The following BLTP2 variants were observed in gnomAD, a reference collection of about 807,000 sequenced individuals.
BLTP2 encodes U937-associated antigen.
chr17:28,623,395 T>G, the BLTP2 span, among the ~76,000 whole-genome samples: 1 of 152,204 alleles, frequency 6.6e-6, no homozygotes, highest in Non-Finnish European at 1.5e-5. Context: ...GTCATTTTCA[T>G]GAGAGGACAG....
the BLTP2 span, chr17:28,639,599 G>C: frequency 6.2e-6 from 10 of 1,614,192 alleles, no homozygotes; most frequent in African/African-American, 1.3e-4. Flanking sequence ...TGAGGGAGTT[G>C]AGGCAGACAA....
chr17:28,620,139 C>CT, the BLTP2 span: 1 of 847,512 alleles, frequency 1.2e-6, no homozygotes, highest in South Asian at 1.8e-5. Flanking sequence ...TTATCTGTCA[C>CT]TGGTAATAGC....
At chr17:28,624,439 G>C in the BLTP2 span, 2 of 1,545,958 alleles carry the variant, frequency 1.3e-6, no homozygotes, top group Non-Finnish European at 1.8e-6. Context: ...CAAAGGGAAA[G>C]ACTTTTCCCT....
At chr17:28,615,970 G>A in the BLTP2 span, 1 of 1,014,894 alleles carries the variant, frequency 9.9e-7, no homozygotes, top group Non-Finnish European at 1.5e-6. Flanking sequence ...GGGAGCAGAG[G>A]GAACAGCAGA....
the BLTP2 span, among the ~76,000 whole-genome samples, chr17:28,627,252 C>T: frequency 7.9e-5 from 12 of 152,176 alleles, no homozygotes; most frequent in African/African-American, 2.7e-4. Context: ...TCAAACTCCA[C>T]TCCTACTCAG....
the BLTP2 span, chr17:28,643,511 C>G: frequency 1.6e-5 from 22 of 1,411,694 alleles, no homozygotes; most frequent in East Asian, 5.0e-4. Flanking sequence ...AACCTCCCTT[C>G]CTCCTTGGAT....
chr17:28,642,524 G>C, the BLTP2 span: 1 of 591,110 alleles, frequency 1.7e-6, no homozygotes, highest in South Asian at 2.0e-5. Flanking sequence ...GGTGGCGGCC[G>C]CCTGTAGTCC....
chr17:28,642,990 G>A, the BLTP2 span: 2 of 1,567,856 alleles, frequency 1.3e-6, no homozygotes, highest in East Asian at 2.2e-5. Context: ...GAGAATAGCT[G>A]GAAGGAAGAA....
chr17:28,644,189 T>C, the BLTP2 span: 10 of 1,612,430 alleles, frequency 6.2e-6, no homozygotes, highest in Non-Finnish European at 2.5e-6. Context: ...ACAAGCCACC[T>C]GCAGAAAAAT....
the BLTP2 span, chr17:28,618,767 T>C: frequency 1.3e-6 from 2 of 1,593,918 alleles, no homozygotes; most frequent in Non-Finnish European, 1.7e-6. Context: ...CAGCTGCCTT[T>C]GTGTGACCAT....
At chr17:28,632,457 A>G in the BLTP2 span, among the ~76,000 whole-genome samples, 1 of 152,112 alleles carries the variant, frequency 6.6e-6, no homozygotes, top group Non-Finnish European at 1.5e-5. Flanking sequence ...CCCAAAATTC[A>G]TGCTGAAATA....
the BLTP2 span, chr17:28,632,956 G>C: frequency 1.3e-6 from 2 of 1,537,356 alleles, no homozygotes; most frequent in Non-Finnish European, 1.7e-6. Flanking sequence ...ACTGTGCCGA[G>C]TCAGATCCAT....
the BLTP2 span, chr17:28,643,745 T>G: frequency 2.3e-6 from 3 of 1,324,118 alleles, no homozygotes; most frequent in African/African-American, 4.4e-5. Context: ...TTCTGGATTA[T>G]TAGAATTTCT....
the BLTP2 span, chr17:28,635,219 C>G: frequency 6.2e-7 from 1 of 1,614,052 alleles, no homozygotes; most frequent in Admixed American, 1.7e-5. Context: ...AGCAGCTGCA[C>G]CTCCACCTCC....
chr17:28,632,102 G>A, the BLTP2 span: 1 of 1,614,186 alleles, frequency 6.2e-7, no homozygotes, highest in Non-Finnish European at 8.5e-7. Context: ...TGCTGACCAA[G>A]TTTCTTCTTG....
At chr17:28,643,329 C>G in the BLTP2 span, 1 of 1,613,436 alleles carries the variant, frequency 6.2e-7, no homozygotes. Context: ...GAAGAGAAAT[C>G]TCACTGCCAC....
chr17:28,637,851 G>T, the BLTP2 span: 3 of 1,613,924 alleles, frequency 1.9e-6, no homozygotes, highest in Non-Finnish European at 8.5e-7. Flanking sequence ...AAGGCAGAAA[G>T]GGTAAACAAG....
the BLTP2 span, chr17:28,644,127 C>T: frequency 6.2e-7 from 1 of 1,614,224 alleles, no homozygotes; most frequent in Non-Finnish European, 8.5e-7. Context: ...AGGAGCCAAT[C>T]TTTAGCTCCG....
At chr17:28,640,349 C>T in the BLTP2 span, 38 of 541,936 alleles carry the variant, frequency 7.0e-5, no homozygotes, top group African/African-American at 5.7e-4. Flanking sequence ...GCCAAGATCG[C>T]ACCACTGAAC....
Sources: gnomAD v4.1 joint callset for allele counts (sites outside exome capture counted in the v4.1 genomes callset) on GRCh38, gnomAD v4.1.1 for gene constraint, MANE v1.5 for transcripts, NCBI Gene and HGNC (gene_info 2026-07-23, HGNC 2026-07-21) for gene names.